Variants in GRM5 observed in about 807,000 individuals in gnomAD.
GRM5 encodes glutamate metabotropic receptor 5.
A neutral mutation model predicts 83.1 loss-of-function variants in GRM5; 19 were observed. The ratio of observed to expected loss-of-function variants is 0.23; its 90% CI spans 0.16 to 0.34. The LOEUF is 0.34. GRM5 is among the 10% of genes least tolerant of loss of function. The pLI is 1.00. For synonymous variants in GRM5, 675 were observed against 633.6 expected, an observed-to-expected ratio of 1.07 and a Z score of -0.98; for missense variants, 1,160 against 1,588.3, an observed-to-expected ratio of 0.73 and a Z score of 4.58.
At chr11:88,956,733 A>G (rs901155835) in intron 2 of GRM5, among the ~76,000 whole-genome samples, 3 of 152,176 alleles carry the variant, frequency 2.0e-5, no homozygotes, top group Non-Finnish European at 4.4e-5. Context: ...GTGAACCCGG[A>G]AGGCGGAACT....
chr11:88,898,491 ACTGT>A (rs1456293796), intron 2 of GRM5, among the ~76,000 whole-genome samples: 1 of 151,948 alleles, frequency 6.6e-6, no homozygotes, highest in Non-Finnish European at 1.5e-5. Context: ...AATAATACTG[ACTGT>A]CTGTAGCATT....
intron 2 of GRM5, among the ~76,000 whole-genome samples, chr11:88,903,224 G>A (rs751460045): frequency 1.1e-4 from 17 of 152,228 alleles, no homozygotes; most frequent in Non-Finnish European, 2.1e-4. Context: ...GACTGATTTG[G>A]TAGAAGAGGA....
In GRM5 at chr11:88,567,041, C is replaced by A; in HGVS notation, c.2630+12G>T. The A allele has an allele frequency of 6.4e-7, 1 of 1,559,850 alleles. No homozygotes were observed. The highest frequency in any genetic ancestry group is 8.8e-7 in the Non-Finnish European group (1 of 1,142,644). On this transcript the variant is annotated intron_variant, in intron 8 of 9. Coordinates refer to ENST00000305447, the MANE Select transcript of GRM5 (RefSeq NM_001143831.3). This position sits in a 1 kb window ranked among gnomAD's most constrained non-coding sequence, Gnocchi z 7.3. ...AGGGGCCAGCATCCCTGTAAGCCCC[C>A]ACAACTTTTACCTTAAGGTTTCCCC...
chr11:89,052,093 C>A (rs535029195), intron 1 of GRM5, among the ~76,000 whole-genome samples: 1 of 152,080 alleles, frequency 6.6e-6, no homozygotes, highest in Non-Finnish European at 1.5e-5. Flanking sequence ...CACATAAACA[C>A]GTGAGGGGCA....
intron 8 of GRM5, among the ~76,000 whole-genome samples, chr11:88,551,602 T>C (rs578056389): frequency 6.6e-6 from 1 of 152,298 alleles, no homozygotes; most frequent in African/African-American, 2.4e-5. Flanking sequence ...GAGAAATTGA[T>C]ACATTTTAGT....
At chr11:88,744,705 C>T (rs1263794992) in intron 3 of GRM5, among the ~76,000 whole-genome samples, 1 of 152,084 alleles carries the variant, frequency 6.6e-6, no homozygotes. Context: ...AAAGGTGGCT[C>T]ATTTGGTGAA....
intron 3 of GRM5, among the ~76,000 whole-genome samples, chr11:88,804,725 A>G (rs1321407470): frequency 6.6e-6 from 1 of 152,088 alleles, no homozygotes; most frequent in African/African-American, 2.4e-5. Context: ...ACAAACAAAC[A>G]AAACAAATAC....
chr11:88,735,000 CAT>C (rs1337514178), intron 3 of GRM5, among the ~76,000 whole-genome samples: 2 of 151,986 alleles, frequency 1.3e-5, no homozygotes, highest in East Asian at 3.9e-4. Flanking sequence ...CTAATCTACT[CAT>C]AAACTAATTT....
intron 2 of GRM5, among the ~76,000 whole-genome samples, chr11:88,880,483 A>G (rs771432127): frequency 1.3e-5 from 2 of 152,136 alleles, no homozygotes; most frequent in African/African-American, 2.4e-5. Flanking sequence ...AATAACATAC[A>G]CTGAATTAAC....
At chr11:88,753,196 A>T (rs1942319809) in intron 3 of GRM5, among the ~76,000 whole-genome samples, 1 of 152,200 alleles carries the variant, frequency 6.6e-6, no homozygotes, top group African/African-American at 2.4e-5. Context: ...ATTTTCTGCA[A>T]TCTATCCATC....
intron 2 of GRM5, among the ~76,000 whole-genome samples, chr11:88,972,817 TAATA>T (rs1199522111): frequency 1.3e-5 from 2 of 152,120 alleles, no homozygotes; most frequent in Admixed American, 6.6e-5. Context: ...ATTAATTAAA[TAATA>T]AATGTTACCA....
intron 3 of GRM5, among the ~76,000 whole-genome samples, chr11:88,728,719 C>G (rs148794542): frequency 0.018 from 2,782 of 152,234 alleles, 94 homozygotes; most frequent in African/African-American, 0.063. Flanking sequence ...GCTGGTTCAA[C>G]ATATGCAAAT....
intron 8 of GRM5, among the ~76,000 whole-genome samples, chr11:88,566,160 C>A (rs959325294): frequency 6.6e-6 from 1 of 152,196 alleles, no homozygotes; most frequent in Non-Finnish European, 1.5e-5. Flanking sequence ...CTTTTGATTA[C>A]ACATTACACT....
chr11:88,776,001 C>G (rs1031603374), intron 3 of GRM5, among the ~76,000 whole-genome samples: 1 of 152,000 alleles, frequency 6.6e-6, no homozygotes, highest in Non-Finnish European at 1.5e-5. Context: ...TCCTTGTTAA[C>G]CTTCTGTCTT....
chr11:88,620,789 T>A (rs1938612224), intron 4 of GRM5, among the ~76,000 whole-genome samples: 1 of 152,218 alleles, frequency 6.6e-6, no homozygotes. Context: ...TGTATCCACA[T>A]GCCTGTAGAG....
At chr11:88,998,419 G>T (rs1940265351) in intron 2 of GRM5, among the ~76,000 whole-genome samples, 1 of 152,088 alleles carries the variant, frequency 6.6e-6, no homozygotes, top group African/African-American at 2.4e-5. Flanking sequence ...GGAATAGAGA[G>T]AAATTACTCA....
intron 3 of GRM5, among the ~76,000 whole-genome samples, chr11:88,767,314 C>T (rs939943176): frequency 4.0e-5 from 6 of 151,878 alleles, no homozygotes; most frequent in Non-Finnish European, 8.8e-5. Context: ...ATCCAGAAAT[C>T]GCATTATTAG....
chr11:88,939,776 G>C (rs1180045548), intron 2 of GRM5, among the ~76,000 whole-genome samples: 1 of 151,738 alleles, frequency 6.6e-6, no homozygotes, highest in Non-Finnish European at 1.5e-5. Flanking sequence ...ATAGAAAAGG[G>C]AAAGAAGTAC....
chr11:89,028,950 C>A (rs569928334), intron 2 of GRM5, among the ~76,000 whole-genome samples: 24 of 152,036 alleles, frequency 1.6e-4, no homozygotes, highest in Admixed American at 7.2e-4. Flanking sequence ...CCCCCACCCC[C>A]CTACGTACCC....
Sources: gnomAD v4.1 joint callset for allele counts (sites outside exome capture counted in the v4.1 genomes callset) on GRCh38, gnomAD v4.1.1 for gene constraint, Gnocchi (gnomAD v3.1) non-coding constraint, MANE v1.5 for transcripts, NCBI Gene and HGNC (gene_info 2026-07-23, HGNC 2026-07-21) for gene names.